Variants in GRIN2B observed in about 807,000 individuals in gnomAD.
GRIN2B encodes glutamate receptor ionotropic, NMDA 2B.
Under a neutral mutation model 114.5 loss-of-function variants are expected in GRIN2B, and 5 were observed. The observed-to-expected ratio is 0.04, with a 90% CI of 0.02 to 0.09. The LOEUF (loss-of-function observed/expected upper bound fraction) is 0.09, where lower values mean the gene tolerates loss of function less well. GRIN2B is among the 10% of genes least tolerant of loss of function. The probability of loss-of-function intolerance (pLI) is 1.00; values close to 1 mark genes in which losing one functional copy is unlikely to be tolerated. For synonymous variants in GRIN2B, 787 were observed against 745.1 expected (o/e 1.06, Z -0.92); for missense variants, 1,108 against 1,943.5 (o/e 0.57, Z 8.08).
chr12:13,973,978 A>C (rs894081467), intron 2 of GRIN2B, among the ~76,000 whole-genome samples: 1 of 152,032 alleles, frequency 6.6e-6, no homozygotes, highest in East Asian at 1.9e-4. Context: ...AGGAGTAAAA[A>C]CCTCTAAAAT....
chr12:13,563,652 G>A lies in GRIN2B; in HGVS notation c.3586C>T (p.Pro1196Ser). Reference protein sequence around the residue: ...KHGVVSGVPAPWEKNLTNVEW... With the variant: ...KHGVVSGVPASWEKNLTNVEW... Reference sequence around the variant, plus strand: ...ACGTTGGTCAGGTTCTTCTCCCAAGGTGCAGGTACCCCGCTGACCACGCCG... The same window carrying A: ...ACGTTGGTCAGGTTCTTCTCCCAAGATGCAGGTACCCCGCTGACCACGCCG... The change falls in exon 14 of 14, where the codon CCT becomes TCT. Residue 1196 changes from proline to serine, a missense_variant. Around this residue, in one of 19 missense-constraint regions of GRIN2B, gnomAD observed 478 missense variants for 506.0 expected, o/e 0.94. Coordinates refer to ENST00000609686, the MANE Select transcript of GRIN2B (RefSeq NM_000834.5). The A allele has an allele frequency of 6.2e-7, 1 of 1,613,770 alleles. No individual in the cohort carries two copies. Among genetic ancestry groups the A allele is most frequent in the Non-Finnish European group, 8.5e-7 (1 of 1,180,034 alleles).
chr12:13,837,448 C>A (rs1865292964), intron 3 of GRIN2B, among the ~76,000 whole-genome samples: 1 of 152,152 alleles, frequency 6.6e-6, no homozygotes, highest in Non-Finnish European at 1.5e-5. Flanking sequence ...AGGCATGGTG[C>A]CTGGCCCATT....
At position 13,556,000 on chromosome 12, in the gene GRIN2B, GAATATTGCTAATGTGGGTA is replaced by G. The variant is rs1207083419; in HGVS notation, c.*6764_*6782del. 6.6e-6 allele frequency: 1 copy of G among 152,168 alleles called. No individual in the cohort carries two copies. The highest frequency in any genetic ancestry group is 2.4e-5 in the African/African-American group (1 of 41,438). 9.4% of individuals were successfully genotyped at this position (152,168 alleles called of 1,614,324 possible). A position where few individuals can be genotyped will look rare whatever the true frequency, so the allele number is the denominator to read the frequency against. ...AAGAGGAAAAAGGAATTGCCGGTGA[GAATATTGCTAATGTGGGTA>G]AATACAGGGTTAGACCAAAGAGGGA... On this transcript the variant is annotated 3_prime_UTR_variant, in exon 14 of 14. Transcript: ENST00000609686.
chr12:13,568,903 G>T (rs1948673248), intron 12 of GRIN2B, among the ~76,000 whole-genome samples: 1 of 152,176 alleles, frequency 6.6e-6, no homozygotes. Flanking sequence ...GTGGCTGATG[G>T]TGTCTGCCTC....
intron 11 of GRIN2B, among the ~76,000 whole-genome samples, chr12:13,571,076 TGCCTTTTCCAG>T (rs1285758758): frequency 1.3e-5 from 2 of 152,200 alleles, no homozygotes; most frequent in Non-Finnish European, 2.9e-5. Flanking sequence ...TTTATCTAGG[TGCCTTTTCCAG>T]ACCTGGAGCT....
intron 5 of GRIN2B, among the ~76,000 whole-genome samples, chr12:13,673,537 G>C (rs1950042530): frequency 6.6e-6 from 1 of 152,124 alleles, no homozygotes; most frequent in Non-Finnish European, 1.5e-5. Flanking sequence ...GTAAAGGCAG[G>C]TACCAGGGAC....
intron 3 of GRIN2B, among the ~76,000 whole-genome samples, chr12:13,764,183 CAA>C (rs111977459): frequency 2.4e-4 from 26 of 106,412 alleles, no homozygotes; most frequent in African/African-American, 3.7e-4. Context: ...ATATCCATAC[CAA>C]AAAAAAAAAA....
At chr12:13,794,207 C>CAAAAAAA (rs3082833) in intron 3 of GRIN2B, among the ~76,000 whole-genome samples, 4 of 102,924 alleles carry the variant, frequency 3.9e-5, no homozygotes, top group Middle Eastern at 4.5e-3. Flanking sequence ...GACTCTGTCT[C>CAAAAAAA]AAAAAAAAAA....
chr12:13,764,391 T>G (rs1591718076), intron 3 of GRIN2B, among the ~76,000 whole-genome samples: 1 of 152,070 alleles, frequency 6.6e-6, no homozygotes, highest in African/African-American at 2.4e-5. Context: ...CTTCTTTGCC[T>G]CCATTTTTAC....
intron 2 of GRIN2B, among the ~76,000 whole-genome samples, chr12:13,956,755 C>T (rs1396235762): frequency 1.3e-5 from 2 of 152,132 alleles, no homozygotes; most frequent in Admixed American, 6.5e-5. Context: ...AAGCGCACGA[C>T]GGAACATTTT....
intron 3 of GRIN2B, among the ~76,000 whole-genome samples, chr12:13,806,707 G>C (rs994202772): frequency 1.3e-5 from 2 of 152,014 alleles, no homozygotes; most frequent in Non-Finnish European, 2.9e-5. Context: ...TTGCTGTGCA[G>C]ATACTCTCTA....
At chr12:13,622,293 TA>T (rs1949525408) in intron 5 of GRIN2B, among the ~76,000 whole-genome samples, 1 of 152,184 alleles carries the variant, frequency 6.6e-6, no homozygotes, top group South Asian at 2.1e-4. Context: ...ATGTGAAACT[TA>T]AAGCTACATG....
chr12:13,747,919 G>C (rs1256766607), intron 4 of GRIN2B, among the ~76,000 whole-genome samples: 1 of 152,164 alleles, frequency 6.6e-6, no homozygotes, highest in African/African-American at 2.4e-5. Flanking sequence ...AGAGTCAAAT[G>C]AGGATCCCAT....
chr12:13,917,415 C>A (rs994781306), intron 2 of GRIN2B, among the ~76,000 whole-genome samples: 5 of 152,076 alleles, frequency 3.3e-5, no homozygotes, highest in African/African-American at 1.2e-4. Context: ...TCTGGGTGGG[C>A]CGGCTGTATT....
At chr12:13,697,225 AG>A (rs1950268721) in intron 4 of GRIN2B, among the ~76,000 whole-genome samples, 1 of 152,140 alleles carries the variant, frequency 6.6e-6, no homozygotes, top group Non-Finnish European at 1.5e-5. Context: ...GAATGGGAAA[AG>A]CCTCAATTTT....
intron 4 of GRIN2B, among the ~76,000 whole-genome samples, chr12:13,690,245 C>T (rs1019768169): frequency 6.6e-6 from 1 of 151,306 alleles, no homozygotes; most frequent in African/African-American, 2.4e-5. Context: ...CATGCTACTT[C>T]CTCACTTCTC....
intron 10 of GRIN2B, among the ~76,000 whole-genome samples, chr12:13,592,271 G>C (rs1375255411): frequency 2.6e-5 from 4 of 152,160 alleles, no homozygotes; most frequent in Non-Finnish European, 1.5e-5. Flanking sequence ...ATTGTTCTAA[G>C]AAGTGGCTAA....
intron 2 of GRIN2B, among the ~76,000 whole-genome samples, chr12:13,957,945 G>A (rs183280756): frequency 2.2e-3 from 328 of 152,330 alleles, no homozygotes; most frequent in Non-Finnish European, 3.7e-3. Flanking sequence ...GGAAACCACA[G>A]GCTGCATATG....
chr12:13,583,174 C>T (rs564130380), intron 10 of GRIN2B, among the ~76,000 whole-genome samples: 46 of 152,256 alleles, frequency 3.0e-4, no homozygotes, highest in African/African-American at 1.1e-3. Flanking sequence ...ACATATAAGC[C>T]ACTGAGCTCT....
Sources: gnomAD v4.1 joint callset for allele counts (sites outside exome capture counted in the v4.1 genomes callset) on GRCh38, gnomAD v4.1.1 for gene constraint, gnomAD v4.1.1 regional missense constraint, MANE v1.5 for transcripts, NCBI Gene and HGNC (gene_info 2026-07-23, HGNC 2026-07-21) for gene names.